TGM7: variants seen among roughly 807,000 people sequenced by gnomAD.
TGM7 encodes the protein transglutaminase 7.
A neutral mutation model predicts 79.5 loss-of-function variants in TGM7; 74 were observed. The observed-to-expected ratio is 0.93, with a 90% CI of 0.77 to 1.13. TGM7 has a LOEUF of 1.13. Among genes scored for constraint, TGM7 ranks in the 50% most tolerant of loss-of-function variants. The probability of loss-of-function intolerance (pLI) is 0.00; values close to 1 mark genes in which losing one functional copy is unlikely to be tolerated. For synonymous variants in TGM7, 354 were observed against 362.5 expected, an observed-to-expected ratio of 0.98 and a Z score of 0.27; for missense variants, 912 against 905.9, an observed-to-expected ratio of 1.01 and a Z score of -0.09.
At chr15:43,294,735 A>C (rs1443209757) in intron 1 of TGM7, among the ~76,000 whole-genome samples, 1 of 152,216 alleles carries the variant, frequency 6.6e-6, no homozygotes, top group Non-Finnish European at 1.5e-5. Context: ...CGTGCCCTGG[A>C]GGACATTTGG....
intron 7 of TGM7, 150 bp from the exon 8 acceptor site, chr15:43,282,770 G>T (rs1821381484): frequency 1.5e-6 from 1 of 682,166 alleles, no homozygotes; most frequent in Non-Finnish European, 2.4e-6. Context: ...AATAGTACAG[G>T]CTGGGCGCGG....
chr15:43,300,795 A>G (rs1249546757), intron 1 of TGM7, among the ~76,000 whole-genome samples: 1 of 152,026 alleles, frequency 6.6e-6, no homozygotes, highest in Non-Finnish European at 1.5e-5. Flanking sequence ...ATAGAGCAAG[A>G]CTCCGTCTCA....
In TGM7 at chr15:43,279,649, G is replaced by T. The variant is rs752504487; in HGVS notation, c.1654C>A (p.Arg552=). 1 of 1,605,212 alleles carries T rather than the reference G, an allele frequency of 6.2e-7. No homozygotes were observed. The highest frequency in any genetic ancestry group is 1.1e-5 in the South Asian group (1 of 90,186). Residue 552 remains arginine, a synonymous_variant, in exon 10 of 13, where the codon CGG becomes AGG. Transcript: ENST00000452443. The part of the protein sequence containing the change: ...TQKPFWRHTV[R]MNLDFGKETQ... ...CCCTTCCCAAAGTCCAGGTTCATCC[G>T]CACTGTGTGCCTCCAGAAGGGCTTC...
chr15:43,282,070 G>A lies in TGM7; in HGVS notation c.1125C>T (p.Gly375=). 6.2e-7 allele frequency: 1 copy of A among 1,614,156 alleles called. No individual in the cohort carries two copies. Among genetic ancestry groups the A allele is most frequent in the Non-Finnish European group, 8.5e-7 (1 of 1,180,018 alleles). ...QQTSSGLFCC[G]PASVKAIREG... The stretch of plus-strand genomic sequence containing the variant: ...CCCTGATGGCCTTCACAGAGGCAGG[G>A]CCACAGCAGAACAGCCCTGTGGAGG... The change falls in exon 9 of 13, where the codon GGC becomes GGT. Residue 375 remains glycine, a synonymous_variant. Transcript: ENST00000452443.
intron 1 of TGM7, among the ~76,000 whole-genome samples, chr15:43,297,214 G>A (rs1233908126): frequency 6.6e-6 from 1 of 152,156 alleles, no homozygotes; most frequent in African/African-American, 2.4e-5. Context: ...CCAGCACTTT[G>A]GGAGGCCGAG....
At chr15:43,288,919 A>G (rs1182621128) in intron 4 of TGM7, among the ~76,000 whole-genome samples, 1 of 152,174 alleles carries the variant, frequency 6.6e-6, no homozygotes, top group Non-Finnish European at 1.5e-5. Context: ...GTGAGACTCT[A>G]TCTCAAGAAA....
chr15:43,283,711 C>T (rs2042920786), intron 7 of TGM7, among the ~76,000 whole-genome samples: 1 of 152,232 alleles, frequency 6.6e-6, no homozygotes, highest in Non-Finnish European at 1.5e-5. Context: ...TACACCACTG[C>T]TTCCTGAATC....
rs543125845 is a variant in TGM7 at position 43,292,945 on chromosome 15, G to T, written c.203C>A (p.Pro68Gln). The change falls in exon 3 of 13, where the codon CCG (proline) becomes CAG (glutamine). Residue 68 changes from proline (P) to glutamine (Q), a missense_variant. Physicochemically the swap from Pro to Gln is moderately conservative, Grantham distance 76 (BLOSUM62 -1). Transcript: ENST00000452443. ...GGCTCGGGTCCCCAGCAGCTCTGAC[G>T]GCTTGGGTCCTGTGTAGGAGAGAAT... ...ITFVAETGPK[P>Q]SELLGTRATF... is the part of the protein sequence containing the mutation. 6.2e-7 allele frequency: 1 copy of T among 1,613,260 alleles called. No homozygotes were observed. Among genetic ancestry groups the T allele is most frequent in the East Asian group, 2.2e-5 (1 of 44,884 alleles).
chr15:43,294,234 G>T (rs970585649), intron 1 of TGM7, among the ~76,000 whole-genome samples: 1 of 152,130 alleles, frequency 6.6e-6, no homozygotes, highest in Non-Finnish European at 1.5e-5. Flanking sequence ...ACACTCTCTG[G>T]GTCACTTGTA....
Position 43,284,867 on chromosome 15 carries a change from C to T in TGM7, c.951G>A (p.Thr317=), listed in dbSNP as rs201781549. 1,013 of 1,614,110 alleles carry T rather than the reference C, an allele frequency of 6.3e-4. 8 individuals carry two copies. In the Admixed American group the frequency reaches 7.3e-3, roughly 12 times the overall value. ...HNVDRNLTID[T]YYDRNAEMLS... ...GCATCTCGGCATTTCGGTCATAGTA[C>T]GTATCGATGGTCAAGTTCCTATCCA... Residue 317 remains threonine, a synonymous_variant, in exon 7 of 13, where the codon ACG becomes ACA. Coordinates refer to ENST00000452443, the MANE Select transcript of TGM7 (RefSeq NM_052955.3).
chr15:43,294,409 C>T (rs1390029880), intron 1 of TGM7, among the ~76,000 whole-genome samples: 1 of 152,200 alleles, frequency 6.6e-6, no homozygotes, highest in Non-Finnish European at 1.5e-5. Flanking sequence ...GCTGTGAGAC[C>T]TCGAGCAAGT....
At chr15:43,285,517 CG>C (rs2042931075) in intron 6 of TGM7, among the ~76,000 whole-genome samples, 1 of 152,130 alleles carries the variant, frequency 6.6e-6, no homozygotes, top group Admixed American at 6.5e-5. Flanking sequence ...TGGGTAAACA[CG>C]TGTCACGGGG....
At chr15:43,291,653 G>C (rs755733059) in intron 4 of TGM7, among the ~76,000 whole-genome samples, 1 of 152,182 alleles carries the variant, frequency 6.6e-6, no homozygotes, top group South Asian at 2.1e-4. Context: ...GCAAACCCCC[G>C]GTGTTGATGA....
chr15:43,301,181 C>G (rs1035606464), intron 1 of TGM7, among the ~76,000 whole-genome samples: 1 of 151,808 alleles, frequency 6.6e-6, no homozygotes, highest in Non-Finnish European at 1.5e-5. Context: ...CAGTATTTCA[C>G]TATGTTGGAC....
intron 11 of TGM7, 30 bp from the exon 12 acceptor site, chr15:43,277,025 G>T: frequency 6.2e-7 from 1 of 1,611,362 alleles, no homozygotes; most frequent in East Asian, 2.2e-5. Flanking sequence ...CAATCCCATG[G>T]GCAACTGGCC....
At chr15:43,278,931 G>A (rs761256396) in intron 11 of TGM7, among the ~76,000 whole-genome samples, 186 bp downstream of exon 11, 6 of 152,102 alleles carry the variant, frequency 3.9e-5, no homozygotes, top group Non-Finnish European at 5.9e-5. Context: ...AAAATAGCAC[G>A]TCCTTTGAGA....
intron 6 of TGM7, 143 bp downstream of exon 6, chr15:43,287,137 G>T: frequency 2.3e-6 from 2 of 879,214 alleles, no homozygotes; most frequent in Admixed American, 2.5e-5. Context: ...CCTCGAGACT[G>T]TATGGTGTGC....
chr15:43,278,053 G>C (rs148716614), intron 11 of TGM7, among the ~76,000 whole-genome samples: 63 of 152,372 alleles, frequency 4.1e-4, no homozygotes, highest in African/African-American at 1.5e-3. Context: ...GTTTGCCCCA[G>C]CACAGAGGCT....
Position 43,282,749 on chromosome 15 carries a change from A to G in TGM7, c.1005-129T>C, listed in dbSNP as rs1280285769. 4 of 780,562 alleles carry G rather than the reference A, an allele frequency of 5.1e-6. No individual in the cohort carries two copies. The African/African-American group carries it at 6.9e-5, about 14-fold the overall frequency. The allele number at this position is 780,562 out of a possible 1,614,324, so 48.4% of individuals were successfully genotyped here. On this transcript the variant is annotated intron_variant, in intron 7 of 12. Coordinates refer to ENST00000452443, the MANE Select transcript of TGM7 (RefSeq NM_052955.3). The stretch of plus-strand genomic sequence containing the variant: ...TTTATTAGGAAGTAATTTCATACTA[A>G]AAGTCACAAGAATAGTACAGGCTGG...
Sources: allele counts gnomAD v4.1 joint callset (sites outside exome capture counted in the v4.1 genomes callset), GRCh38; gene constraint gnomAD v4.1.1; transcripts MANE v1.5; gene names NCBI Gene and HGNC (gene_info 2026-07-23, HGNC 2026-07-21).